Variants in MSH3 observed in about 807,000 individuals in gnomAD.
MSH3 encodes mutS homolog 3, also known as DNA mismatch repair protein Msh3.
A neutral mutation model predicts 123.3 loss-of-function variants in MSH3; 106 were observed. That is an observed-to-expected ratio of 0.86 (90% CI 0.73 to 1.01). MSH3 has a LOEUF of 1.01. Among genes scored for constraint, MSH3 ranks in the 50% least tolerant of loss-of-function variants. MSH3 has a pLI of 0.00. For synonymous variants in MSH3, 515 were observed against 481.4 expected (o/e 1.07, Z -0.91); for missense variants, 1,459 against 1,347.6 (o/e 1.08, Z -1.29).
rs1746297454 is a variant in MSH3, at chr5:80,875,753, A to G, written c.3305A>G (p.Lys1102Arg). ...ELEGLINTKR[K>R]RLKYFAKLWT... ...AGTAGTATTTGATTTTTCCCCAGAA[A>G]GAGACTCAAGTATTTTGCAAAGTTA... The change falls in exon 24 of 24, where the codon AAG becomes AGG. Residue 1102 changes from lysine to arginine, a missense_variant and splice_region_variant. Transcript: ENST00000265081. 6.3e-7 allele frequency: 1 copy of G among 1,597,244 alleles called. No homozygotes were observed. The highest frequency in any genetic ancestry group is 8.6e-7 in the Non-Finnish European group (1 of 1,164,722).
At chr5:80,803,993 C>T (rs1045348009) in intron 19 of MSH3, among the ~76,000 whole-genome samples, 7 of 152,096 alleles carry the variant, frequency 4.6e-5, no homozygotes, top group African/African-American at 1.7e-4. Flanking sequence ...TAATGTGATT[C>T]CACCAGTTTT....
At chr5:80,727,409 TG>T (rs1743322479) in intron 9 of MSH3, among the ~76,000 whole-genome samples, 1 of 152,242 alleles carries the variant, frequency 6.6e-6, no homozygotes, top group African/African-American at 2.4e-5. Context: ...TTGTAATATA[TG>T]TTTTTTTACT....
chr5:80,673,853 G>T (rs1385866644), intron 6 of MSH3, among the ~76,000 whole-genome samples: 1 of 151,846 alleles, frequency 6.6e-6, no homozygotes, highest in Non-Finnish European at 1.5e-5. Context: ...ATTAGACCAG[G>T]GTGCATTTAA....
At chr5:80,780,728 G>A (rs756333422) in intron 17 of MSH3, among the ~76,000 whole-genome samples, 3 of 152,152 alleles carry the variant, frequency 2.0e-5, no homozygotes, top group Non-Finnish European at 4.4e-5. Flanking sequence ...TTAGCCGGGT[G>A]TGGTGGCATG....
chr5:80,654,908 G>GCCCGCAGCGCCCC lies in MSH3; in HGVS notation c.182_183insCCGCAGCGCCCCC (p.Ala62ArgfsTer27). 1 of 1,538,992 alleles carries GCCCGCAGCGCCCC rather than the reference G, an allele frequency of 6.5e-7. No individual in the cohort carries two copies. Among genetic ancestry groups the GCCCGCAGCGCCCC allele is most frequent in the Non-Finnish European group, 8.7e-7 (1 of 1,147,716 alleles). ...AGCGGCTGCAGCGGCCGCAGCGGCC[G>GCCCGCAGCGCCCC]CAGCGCCCCCAGCGCCCCCAGCTCC... is the stretch of plus-strand genomic sequence containing the variant. On this transcript the variant is annotated frameshift_variant, in exon 1 of 24. Transcript: ENST00000265081. LOFTEE classifies it high-confidence loss of function.
chr5:80,832,713 A>C (rs569379861), intron 20 of MSH3, among the ~76,000 whole-genome samples: 1 of 152,100 alleles, frequency 6.6e-6, no homozygotes, highest in East Asian at 1.9e-4. Flanking sequence ...AAATGCTAAA[A>C]TGGTAAATTT....
chr5:80,753,729 G>A (rs1048881351), intron 12 of MSH3, among the ~76,000 whole-genome samples: 7 of 152,040 alleles, frequency 4.6e-5, no homozygotes, highest in African/African-American at 1.7e-4. Context: ...TTCCACATTG[G>A]GGGGTGGGGT....
At chr5:80,742,463 A>G (rs1743634374) in intron 11 of MSH3, among the ~76,000 whole-genome samples, 1 of 152,246 alleles carries the variant, frequency 6.6e-6, no homozygotes, top group South Asian at 2.1e-4. Flanking sequence ...AAAGTAATAG[A>G]GATAAAAAGC....
chr5:80,728,924 C>A lies in MSH3; in HGVS notation c.1527C>A (p.Tyr509Ter), dbSNP rs764435977. ...GCTCTTTGGCTGCCATCATAAAATA[C>A]CTCAAAGAATTCAACTTGGAAAAGA... The part of the protein sequence containing the change: ...VICSLAAIIK[Y>*]LKEFNLEKML... Residue 509 changes from tyrosine (Y) to a stop codon, truncating the protein, a stop_gained, in exon 10 of 24, where the codon TAC (tyrosine) becomes TAA (stop). Transcript: ENST00000265081. LOFTEE classifies it high-confidence loss of function. The A allele has an allele frequency of 6.2e-7, 1 of 1,611,708 alleles. No homozygotes were observed. The highest frequency in any genetic ancestry group is 8.5e-7 in the Non-Finnish European group (1 of 1,178,070).
At chr5:80,779,363 A>G (rs1218319490) in intron 17 of MSH3, among the ~76,000 whole-genome samples, 2 of 152,086 alleles carry the variant, frequency 1.3e-5, no homozygotes, top group Non-Finnish European at 2.9e-5. Flanking sequence ...GGTTCATCAC[A>G]TGTTAGCATT....
At chr5:80,821,297 A>G (rs747563608) in intron 20 of MSH3, among the ~76,000 whole-genome samples, 1 of 152,138 alleles carries the variant, frequency 6.6e-6, no homozygotes, top group Non-Finnish European at 1.5e-5. Context: ...CCATCATGCT[A>G]TTTGTTCACT....
rs1744531551 is a variant in MSH3, at chr5:80,787,583, T to G, written c.2454T>G (p.Tyr818Ter). The G allele has an allele frequency of 6.2e-7, 1 of 1,613,266 alleles. No homozygotes were observed. The highest frequency in any genetic ancestry group is 8.5e-7 in the Non-Finnish European group (1 of 1,179,392). The stretch of plus-strand genomic sequence containing the variant: ...TCCGTAGGAAATTCAGTGAACATTA[T>G]CACTCCTTGTGTAAAGCAGTGCATC... ...LDFLEKFSEH[Y>*]HSLCKAVHHL... Residue 818 changes from tyrosine to a stop codon, truncating the protein, a stop_gained, in exon 18 of 24, where the codon TAT becomes TAG. Transcript: ENST00000265081. LOFTEE classifies it high-confidence loss of function.
chr5:80,830,017 A>G (rs752846155), intron 20 of MSH3, among the ~76,000 whole-genome samples: 3 of 152,204 alleles, frequency 2.0e-5, no homozygotes, highest in African/African-American at 4.8e-5. Context: ...ATTTATGGCC[A>G]TAACACTTTA....
intron 14 of MSH3, among the ~76,000 whole-genome samples, chr5:80,768,621 G>A (rs555016807): frequency 6.6e-6 from 1 of 152,248 alleles, no homozygotes; most frequent in East Asian, 1.9e-4. Flanking sequence ...GTTTTACCAT[G>A]GGAATCATGA....
intron 2 of MSH3, among the ~76,000 whole-genome samples, chr5:80,659,870 C>G (rs917305769): frequency 1.3e-5 from 2 of 152,110 alleles, no homozygotes; most frequent in Non-Finnish European, 1.5e-5. Flanking sequence ...GCATTCATTC[C>G]TTTTTATTTC....
chr5:80,687,303 T>C (rs1750113963), intron 8 of MSH3, among the ~76,000 whole-genome samples: 1 of 152,228 alleles, frequency 6.6e-6, no homozygotes. Context: ...CCTTTATCAA[T>C]TGCAGTTAAG....
chr5:80,728,762 T>C (rs1008968184), intron 9 of MSH3, 89 bp from the exon 10 acceptor site: 13 of 726,130 alleles, frequency 1.8e-5, no homozygotes, highest in Admixed American at 6.8e-5. Flanking sequence ...TTAATAATGC[T>C]AACAAGTTAA....
chr5:80,689,715 CTT>C (rs541235621), intron 8 of MSH3, among the ~76,000 whole-genome samples: 61 of 131,496 alleles, frequency 4.6e-4, no homozygotes, highest in African/African-American at 1.2e-3. Flanking sequence ...AGACCGAGTT[CTT>C]TTTTTTTTTT....
At chr5:80,793,524 A>C (rs1744644884) in intron 19 of MSH3, among the ~76,000 whole-genome samples, 1 of 152,280 alleles carries the variant, frequency 6.6e-6, no homozygotes, top group East Asian at 1.9e-4. Context: ...AAGGGCAGGG[A>C]AGCATTGAGG....
Sources: gnomAD v4.1 joint callset for allele counts (sites outside exome capture counted in the v4.1 genomes callset) on GRCh38, gnomAD v4.1.1 for gene constraint, MANE v1.5 for transcripts, NCBI Gene and HGNC (gene_info 2026-07-23, HGNC 2026-07-21) for gene names.